The following FLT3 variants were observed in gnomAD, a reference collection of about 807,000 sequenced individuals.
The protein encoded by FLT3 is fms related receptor tyrosine kinase 3.
Under a neutral mutation model 126.6 loss-of-function variants are expected in FLT3, and 46 were observed. The observed-to-expected ratio is 0.36, with a 90% CI of 0.29 to 0.46. The LOEUF (loss-of-function observed/expected upper bound fraction) is 0.46. Ranked by LOEUF, FLT3 falls within the 20% of genes least tolerant of loss-of-function variation. The probability of loss-of-function intolerance (pLI) is 1.00; values close to 1 mark genes in which losing one functional copy is unlikely to be tolerated. For synonymous variants in FLT3, 404 were observed against 434.4 expected (o/e 0.93, Z 0.87); for missense variants, 1,069 against 1,190.3 (o/e 0.90, Z 1.50).
intron 9 of FLT3, among the ~76,000 whole-genome samples, chr13:28,040,863 G>A (rs545168300): frequency 1.9e-4 from 28 of 149,904 alleles, no homozygotes; most frequent in Non-Finnish European, 3.5e-4. Context: ...AGCTGGGTGC[G>A]ATGGCACACA....
intron 4 of FLT3, among the ~76,000 whole-genome samples, chr13:28,055,766 T>C (rs1875944917): frequency 6.6e-6 from 1 of 152,212 alleles, no homozygotes; most frequent in Non-Finnish European, 1.5e-5. Flanking sequence ...CAACTGTTTA[T>C]ACTTGGCAAG....
chr13:28,024,904 C>T lies in FLT3; in HGVS notation c.2247G>A (p.Ser749=), dbSNP rs916153993. The change falls in exon 18 of 24, where the codon TCG becomes TCA. Residue 749 remains serine (S), a synonymous_variant. Coordinates refer to ENST00000241453, the MANE Select transcript of FLT3 (RefSeq NM_004119.3). ...TCCCATGAAGCCCTGAGATTTGATC[C>T]GAGTCCGGGTGTATCTGAACTTCTC... is the stretch of plus-strand genomic sequence containing the variant. ...GSREVQIHPD[S]DQISGLHGNS... 6 of 1,612,184 alleles carry T rather than the reference C, an allele frequency of 3.7e-6. No individual in the cohort carries two copies. Among genetic ancestry groups the T allele is most frequent in the East Asian group, 2.2e-5 (1 of 44,804 alleles).
intron 15 of FLT3, 41 bp downstream of exon 15, chr13:28,033,846 T>G (rs746749943): frequency 2.1e-6 from 3 of 1,451,052 alleles, no homozygotes; most frequent in Admixed American, 3.4e-5. Context: ...GTGCCTCCCA[T>G]TTTTGTGCAT....
chr13:28,014,136 G>T (rs1320627289), intron 23 of FLT3, among the ~76,000 whole-genome samples: 3 of 152,056 alleles, frequency 2.0e-5, no homozygotes, highest in Admixed American at 1.3e-4. Flanking sequence ...GCCTGGCGTG[G>T]TGCTGCCCTC....
At chr13:28,057,986 C>T (rs1246781396) in intron 3 of FLT3, among the ~76,000 whole-genome samples, 2 of 151,788 alleles carry the variant, frequency 1.3e-5, no homozygotes, top group Non-Finnish European at 2.9e-5. Flanking sequence ...CTGCAGCAAG[C>T]TCAGGTCGCA....
chr13:28,048,576 T>C (rs1404013648), intron 8 of FLT3, 133 bp from the exon 9 acceptor site: 12 of 645,414 alleles, frequency 1.9e-5, no homozygotes, highest in Admixed American at 2.9e-5. Context: ...CAGGTCAGGT[T>C]GGATAATCCA....
chr13:28,022,498 C>A (rs1221959682), intron 19 of FLT3, among the ~76,000 whole-genome samples: 1 of 151,846 alleles, frequency 6.6e-6, no homozygotes, highest in Non-Finnish European at 1.5e-5. Flanking sequence ...GGCAACAGAG[C>A]GAGACTGTCT....
chr13:28,061,093 T>G (rs1220123010), intron 3 of FLT3, among the ~76,000 whole-genome samples: 1 of 151,810 alleles, frequency 6.6e-6, no homozygotes. Context: ...CGGTGGCTCA[T>G]GCCTGTAATT....
chr13:28,058,605 G>A (rs775695477), intron 3 of FLT3, among the ~76,000 whole-genome samples: 2 of 152,174 alleles, frequency 1.3e-5, no homozygotes, highest in African/African-American at 2.4e-5. Context: ...CTCTAACAGT[G>A]TTAGCATCAG....
At chr13:28,011,030 G>A (rs1033613067) in intron 23 of FLT3, among the ~76,000 whole-genome samples, 4 of 150,722 alleles carry the variant, frequency 2.7e-5, no homozygotes, top group Admixed American at 6.6e-5. Flanking sequence ...AGAAAAATAG[G>A]GCCAGGTGGG....
At chr13:28,069,076 G>T (rs1699736587) in intron 2 of FLT3, among the ~76,000 whole-genome samples, 1 of 152,158 alleles carries the variant, frequency 6.6e-6, no homozygotes, top group Non-Finnish European at 1.5e-5. Context: ...AGCAATCTTG[G>T]TATCAGTCTA....
Position 28,048,341 on chromosome 13 carries a change from C to A in FLT3, c.1139G>T (p.Arg380Ile). Residue 380 changes from arginine to isoleucine, a missense_variant, in exon 9 of 24, where the codon AGA becomes ATA. Physicochemically the swap from Arg to Ile is moderately conservative, Grantham distance 97. Transcript: ENST00000241453. ...SVRFKAYPQI[R>I]CTWTFSRKSF... ...TTTTCGAGAGAAGGTCCACGTACAT[C>A]TGATTTGTGGGTAGGCTTTAAACCT... 1 of 1,613,930 alleles carries A rather than the reference C, an allele frequency of 6.2e-7. No individual in the cohort carries two copies. The highest frequency in any genetic ancestry group is 1.1e-5 in the South Asian group (1 of 91,078).
rs550878210 is a variant in FLT3, at chr13:28,049,684, T to C, written c.833A>G (p.Asn278Ser). ...LWIRCKAVHV[N>S]HGFGLTWELE... Reference sequence around the variant, plus strand: ...TTCCCAGGTGAGCCCGAATCCATGGTTCACATGAACAGCTTTGCACCTTAT... The same window carrying C: ...TTCCCAGGTGAGCCCGAATCCATGGCTCACATGAACAGCTTTGCACCTTAT... Residue 278 changes from asparagine (N) to serine (S), a missense_variant, in exon 7 of 24, where the codon AAC (asparagine) becomes AGC (serine). Transcript: ENST00000241453. The C allele has an allele frequency of 6.2e-7, 1 of 1,614,184 alleles. No individual in the cohort carries two copies. Among genetic ancestry groups the C allele is most frequent in the Non-Finnish European group, 8.5e-7 (1 of 1,180,010 alleles).
chr13:28,040,154 CA>C (rs1274083727), intron 9 of FLT3, among the ~76,000 whole-genome samples: 1 of 152,112 alleles, frequency 6.6e-6, no homozygotes, highest in African/African-American at 2.4e-5. Context: ...ACAGCAAATT[CA>C]AAAAATTGGG....
At chr13:28,058,214 A>AAAC (rs960245540) in intron 3 of FLT3, among the ~76,000 whole-genome samples, 18 of 92,400 alleles carry the variant, frequency 1.9e-4, no homozygotes, top group East Asian at 9.7e-4. Flanking sequence ...AATTAAAAAA[A>AAAC]AAAAACAAAA....
chr13:28,035,087 G>A (rs1179058342), intron 12 of FLT3, among the ~76,000 whole-genome samples: 1 of 152,094 alleles, frequency 6.6e-6, no homozygotes, highest in East Asian at 1.9e-4. Flanking sequence ...AGGGTGGGCA[G>A]CCAGGTTTCA....
intron 1 of FLT3, among the ~76,000 whole-genome samples, chr13:28,091,760 C>T (rs1476399099): frequency 1.3e-5 from 2 of 151,978 alleles, no homozygotes; most frequent in Non-Finnish European, 2.9e-5. Context: ...CACAGCAAGA[C>T]CTCATCTCTA....
At chr13:28,099,099 T>G (rs1387729171) in intron 1 of FLT3, among the ~76,000 whole-genome samples, 1 of 148,802 alleles carries the variant, frequency 6.7e-6, no homozygotes, top group African/African-American at 2.4e-5. Context: ...ATACTTCATT[T>G]AGAAATATCT....
chr13:28,087,451 T>C (rs1878747797), intron 1 of FLT3, among the ~76,000 whole-genome samples: 1 of 152,214 alleles, frequency 6.6e-6, no homozygotes, highest in African/African-American at 2.4e-5. Context: ...GCTTTTAAGA[T>C]TTTCTCTTAG....
Sources: gnomAD v4.1 joint callset for allele counts (sites outside exome capture counted in the v4.1 genomes callset) on GRCh38, gnomAD v4.1.1 for gene constraint, MANE v1.5 for transcripts, NCBI Gene and HGNC (gene_info 2026-07-23, HGNC 2026-07-21) for gene names.